The following MGAT4C variants were observed in gnomAD, a reference collection of about 807,000 sequenced individuals.
The protein encoded by MGAT4C is MGAT4 family member C.
In MGAT4C, 19 loss-of-function variants were observed where a neutral mutation model predicts 40.1. The ratio of observed to expected loss-of-function variants is 0.47; its 90% CI spans 0.33 to 0.70. The LOEUF (loss-of-function observed/expected upper bound fraction) is 0.70, where lower values mean the gene tolerates loss of function less well. MGAT4C is among the 30% of genes least tolerant of loss of function. MGAT4C has a pLI of 0.02. For missense variants in MGAT4C, 491 were observed against 563.2 expected (o/e 0.87, Z 1.30); for synonymous variants, 181 against 187.1 (o/e 0.97, Z 0.27).
chr12:86,662,786 CAT>C (rs892409386), intron 2 of MGAT4C, among the ~76,000 whole-genome samples: 1 of 152,100 alleles, frequency 6.6e-6, no homozygotes. Flanking sequence ...ACTCTTTAAT[CAT>C]AAACTAATTT....
chr12:86,651,894 A>G (rs1963708396), intron 2 of MGAT4C, among the ~76,000 whole-genome samples: 1 of 151,900 alleles, frequency 6.6e-6, no homozygotes, highest in Non-Finnish European at 1.5e-5. Context: ...ATTTTTAATT[A>G]GAAACAATAA....
At chr12:85,991,636 C>T (rs1260309346) in intron 2 of MGAT4C, among the ~76,000 whole-genome samples, 1 of 152,178 alleles carries the variant, frequency 6.6e-6, no homozygotes, top group Non-Finnish European at 1.5e-5. Flanking sequence ...TGACAAGCAG[C>T]TGGCATGTCA....
chr12:86,105,049 TC>T (rs1875895631), intron 1 of MGAT4C, among the ~76,000 whole-genome samples: 1 of 152,160 alleles, frequency 6.6e-6, no homozygotes, highest in Non-Finnish European at 1.5e-5. Flanking sequence ...AAATTTACAT[TC>T]CTTTTTCATG....
At chr12:86,554,254 A>T (rs1959504694) in intron 2 of MGAT4C, among the ~76,000 whole-genome samples, 1 of 152,144 alleles carries the variant, frequency 6.6e-6, no homozygotes, top group Non-Finnish European at 1.5e-5. Flanking sequence ...ACTGATCTTT[A>T]GTTCACCACT....
At chr12:86,795,847 T>G (rs2136197558) in intron 1 of MGAT4C, among the ~76,000 whole-genome samples, 1 of 152,128 alleles carries the variant, frequency 6.6e-6, no homozygotes, top group Middle Eastern at 3.4e-3. Context: ...TAGTAGATTT[T>G]GAATCCTACT....
At chr12:86,010,352 A>G (rs1368274941) in intron 2 of MGAT4C, among the ~76,000 whole-genome samples, 2 of 152,204 alleles carry the variant, frequency 1.3e-5, no homozygotes, top group Non-Finnish European at 2.9e-5. Context: ...CTGCAAAACT[A>G]CTAGTGCTAT....
chr12:86,159,182 C>A (rs904961285), intron 1 of MGAT4C, among the ~76,000 whole-genome samples: 3 of 152,018 alleles, frequency 2.0e-5, no homozygotes, highest in Non-Finnish European at 4.4e-5. Flanking sequence ...TCATGCATAG[C>A]TGTTATCATT....
intron 2 of MGAT4C, among the ~76,000 whole-genome samples, chr12:86,005,968 G>A (rs898435624): frequency 6.6e-6 from 1 of 152,080 alleles, no homozygotes; most frequent in African/African-American, 2.4e-5. Context: ...GATTATTCTA[G>A]CTTTTTTCCA....
chr12:86,152,001 C>A (rs574826999), intron 1 of MGAT4C, among the ~76,000 whole-genome samples: 25 of 152,330 alleles, frequency 1.6e-4, no homozygotes, highest in African/African-American at 6.0e-4. Flanking sequence ...ACCATGCTTA[C>A]ATCTATCAAG....
intron 1 of MGAT4C, among the ~76,000 whole-genome samples, chr12:86,088,292 C>T (rs1324124685): frequency 6.6e-6 from 1 of 151,960 alleles, no homozygotes; most frequent in Non-Finnish European, 1.5e-5. Context: ...CTAGGAAATA[C>T]CATTCTGGAC....
chr12:86,081,351 G>A (rs916868097), intron 1 of MGAT4C, among the ~76,000 whole-genome samples: 7 of 152,090 alleles, frequency 4.6e-5, no homozygotes, highest in Non-Finnish European at 8.8e-5. Flanking sequence ...ACTCTAATTC[G>A]GGAGTCTGTG....
chr12:86,180,833 C>T (rs886572802), intron 1 of MGAT4C, among the ~76,000 whole-genome samples: 19 of 152,186 alleles, frequency 1.2e-4, no homozygotes, highest in African/African-American at 4.6e-4. Context: ...AAACTTTGGA[C>T]TGTGGACTTT....
At chr12:86,058,542 A>T (rs976859952) in intron 1 of MGAT4C, among the ~76,000 whole-genome samples, 1 of 152,172 alleles carries the variant, frequency 6.6e-6, no homozygotes, top group Admixed American at 6.6e-5. Context: ...ATCGACTCAT[A>T]CAATAGTCTT....
At chr12:86,269,013 CATATATATATATATATATATATATAT>C (rs60328579) in intron 4 of MGAT4C, among the ~76,000 whole-genome samples, 1,062 of 74,712 alleles carry the variant, frequency 0.014, 50 homozygotes, top group African/African-American at 0.052. Flanking sequence ...TTCATACTTA[CATATATATATATATATATATATATAT>C]ATATATATAT....
chr12:86,522,461 A>G (rs563225001), intron 2 of MGAT4C, among the ~76,000 whole-genome samples: 40 of 152,280 alleles, frequency 2.6e-4, no homozygotes, highest in African/African-American at 9.4e-4. Flanking sequence ...CTACTTGATC[A>G]TGGTAGATAA....
intron 3 of MGAT4C, among the ~76,000 whole-genome samples, chr12:86,349,313 T>C (rs1023081629): frequency 5.3e-5 from 8 of 152,142 alleles, no homozygotes; most frequent in Middle Eastern, 3.4e-3. Flanking sequence ...CCATAAGGGG[T>C]GGAGGTAATT....
intron 4 of MGAT4C, among the ~76,000 whole-genome samples, chr12:86,301,185 G>T (rs997508373): frequency 1.4e-4 from 22 of 152,128 alleles, no homozygotes; most frequent in South Asian, 6.2e-4. Flanking sequence ...CATCTCAAAG[G>T]GTTGCTAGAG....
chr12:86,693,571 A>G (rs1359189499), intron 2 of MGAT4C, among the ~76,000 whole-genome samples: 2 of 152,176 alleles, frequency 1.3e-5, no homozygotes, highest in Non-Finnish European at 2.9e-5. Context: ...TGGTGCAAAT[A>G]CTTCATTTGG....
At chr12:86,768,990 A>G (rs1215002041) in intron 1 of MGAT4C, among the ~76,000 whole-genome samples, 3 of 151,870 alleles carry the variant, frequency 2.0e-5, no homozygotes. Flanking sequence ...ACCAAAAGCA[A>G]TGGCAACAAA....
Sources: allele counts gnomAD v4.1 joint callset (sites outside exome capture counted in the v4.1 genomes callset), GRCh38; gene constraint gnomAD v4.1.1; transcripts MANE v1.5; gene names NCBI Gene and HGNC (gene_info 2026-07-23, HGNC 2026-07-21).